The following CALN1 variants were observed in gnomAD, a reference collection of about 807,000 sequenced individuals.
CALN1 encodes calneuron 1, also known as calcium-binding protein 8.
Under a neutral mutation model 30.6 loss-of-function variants are expected in CALN1, and 17 were observed. The observed-to-expected ratio is 0.56, with a 90% CI of 0.38 to 0.83. CALN1 has a LOEUF of 0.83. CALN1 is among the 40% of genes least tolerant of loss of function. The probability of loss-of-function intolerance (pLI) is 0.00; values close to 1 mark genes in which losing one functional copy is unlikely to be tolerated. For synonymous variants in CALN1, 156 were observed against 131.4 expected (o/e 1.19, Z -1.28); for missense variants, 291 against 354.9 (o/e 0.82, Z 1.45).
intron 3 of CALN1, among the ~76,000 whole-genome samples, chr7:72,235,120 A>G (rs374747115): frequency 1.3e-5 from 2 of 152,078 alleles, no homozygotes; most frequent in East Asian, 1.9e-4. Context: ...CAAAAAAACT[A>G]AAAATTAGCC....
chr7:72,444,104 T>C (rs1056026824), intron 1 of CALN1, among the ~76,000 whole-genome samples: 5 of 151,786 alleles, frequency 3.3e-5, no homozygotes, highest in Non-Finnish European at 5.9e-5. Flanking sequence ...TTTTAATGGA[T>C]TGATATATTG....
At chr7:71,883,074 T>C (rs954890260) in intron 5 of CALN1, among the ~76,000 whole-genome samples, 1 of 152,154 alleles carries the variant, frequency 6.6e-6, no homozygotes, top group African/African-American at 2.4e-5. Context: ...TATTTGTGCA[T>C]TTTCCCTCTA....
intron 3 of CALN1, among the ~76,000 whole-genome samples, chr7:72,268,037 A>G (rs1174942884): frequency 6.6e-6 from 1 of 152,226 alleles, no homozygotes; most frequent in South Asian, 2.1e-4. Flanking sequence ...AATAAAAATT[A>G]ATAGTATATG....
intron 3 of CALN1, among the ~76,000 whole-genome samples, chr7:72,278,369 G>A (rs754361327): frequency 7.2e-5 from 11 of 151,852 alleles, no homozygotes; most frequent in Admixed American, 1.3e-4. Context: ...TAAAGACTCC[G>A]GAAAATGGAA....
At chr7:72,400,602 G>A (rs956265159) in intron 2 of CALN1, among the ~76,000 whole-genome samples, 11 of 152,170 alleles carry the variant, frequency 7.2e-5, no homozygotes, top group Non-Finnish European at 1.6e-4. Flanking sequence ...AGGCATCATG[G>A]TTCAAGCCTA....
At chr7:72,276,868 C>T (rs898614243) in intron 3 of CALN1, among the ~76,000 whole-genome samples, 2 of 152,130 alleles carry the variant, frequency 1.3e-5, no homozygotes, top group African/African-American at 2.4e-5. Context: ...ACAAAGCAGA[C>T]TAAGACAGTG....
intron 4 of CALN1, among the ~76,000 whole-genome samples, chr7:72,084,017 TGGCTAACATA>T (rs1264088826): frequency 6.6e-6 from 1 of 151,894 alleles, no homozygotes; most frequent in Non-Finnish European, 1.5e-5. Context: ...AAGACCAGCC[TGGCTAACATA>T]GTGAAACCCT....
chr7:71,856,214 T>C (rs185868247), intron 5 of CALN1, among the ~76,000 whole-genome samples: 1 of 151,534 alleles, frequency 6.6e-6, no homozygotes, highest in Admixed American at 6.6e-5. Flanking sequence ...TATATATTTA[T>C]AAATATACAT....
chr7:72,131,275 T>C (rs1809127291), intron 3 of CALN1, among the ~76,000 whole-genome samples: 1 of 152,124 alleles, frequency 6.6e-6, no homozygotes, highest in African/African-American at 2.4e-5. Flanking sequence ...ACAAGATCCT[T>C]AAAGATGAAT....
At chr7:71,846,093 C>G (rs796435622) in intron 5 of CALN1, among the ~76,000 whole-genome samples, 2 of 152,060 alleles carry the variant, frequency 1.3e-5, no homozygotes, top group South Asian at 4.1e-4. Flanking sequence ...TGGATGTCAT[C>G]GTCTTCTGCC....
chr7:71,846,011 C>T (rs1192138552), intron 5 of CALN1, among the ~76,000 whole-genome samples: 1 of 152,154 alleles, frequency 6.6e-6, no homozygotes, highest in Non-Finnish European at 1.5e-5. Context: ...TGAGATTCCA[C>T]TACTGCACTC....
chr7:72,139,017 C>CT (rs377144932), intron 3 of CALN1, among the ~76,000 whole-genome samples: 3 of 152,224 alleles, frequency 2.0e-5, no homozygotes, highest in Non-Finnish European at 2.9e-5. Context: ...TCCTTGACTC[C>CT]TTCCCTTCTT....
intron 4 of CALN1, among the ~76,000 whole-genome samples, chr7:72,091,507 C>T (rs553755207): frequency 6.6e-6 from 1 of 152,150 alleles, no homozygotes; most frequent in Admixed American, 6.5e-5. Flanking sequence ...ATCACATGTA[C>T]CCCATAAATA....
intron 5 of CALN1, among the ~76,000 whole-genome samples, chr7:71,844,155 T>C (rs12540791): frequency 0.1 from 15,961 of 152,120 alleles, 1,413 homozygotes; most frequent in East Asian, 0.51. Context: ...CTGATTGTCA[T>C]AGGGTGGCAA....
At chr7:71,928,191 A>G (rs1316002708) in intron 5 of CALN1, among the ~76,000 whole-genome samples, 1 of 152,160 alleles carries the variant, frequency 6.6e-6, no homozygotes, top group African/African-American at 2.4e-5. Context: ...GTCCATGGAG[A>G]ATACCCTGTA....
At chr7:72,191,115 C>T (rs1435007355) in intron 3 of CALN1, among the ~76,000 whole-genome samples, 3 of 152,224 alleles carry the variant, frequency 2.0e-5, no homozygotes, top group East Asian at 1.9e-4. Context: ...GATGCGCCAA[C>T]GAATAATTAC....
intron 5 of CALN1, among the ~76,000 whole-genome samples, chr7:71,845,297 T>G (rs991365168): frequency 1.3e-5 from 2 of 152,256 alleles, no homozygotes; most frequent in African/African-American, 4.8e-5. Context: ...ACTGACGAAT[T>G]CCATTCATCT....
intron 6 of CALN1, among the ~76,000 whole-genome samples, chr7:71,789,053 T>C (rs1793161411): frequency 6.6e-6 from 1 of 152,130 alleles, no homozygotes; most frequent in African/African-American, 2.4e-5. Context: ...CCCTCCTGCC[T>C]CTGCCTCCCA....
intron 5 of CALN1, among the ~76,000 whole-genome samples, chr7:72,016,907 C>T (rs1216188284): frequency 6.7e-6 from 1 of 148,678 alleles, no homozygotes; most frequent in African/African-American, 2.5e-5. Context: ...AATCCCAACA[C>T]TTTGGGAGGC....
Sources: gnomAD v4.1 joint callset for allele counts (sites outside exome capture counted in the v4.1 genomes callset) on GRCh38, gnomAD v4.1.1 for gene constraint, MANE v1.5 for transcripts, NCBI Gene and HGNC (gene_info 2026-07-23, HGNC 2026-07-21) for gene names.